The following CSMD1 variants were observed in gnomAD, a reference collection of about 807,000 sequenced individuals.
CSMD1 encodes CUB and Sushi multiple domains 1.
CSMD1 carries 213 observed loss-of-function variants against 417.5 expected under a neutral mutation model. The ratio of observed to expected loss-of-function variants is 0.51; its 90% confidence interval spans 0.46 to 0.57. CSMD1 has a LOEUF of 0.57. Ranked by LOEUF, CSMD1 falls within the 20% of genes least tolerant of loss-of-function variation. The pLI is 0.00. For synonymous variants in CSMD1, 2,862 were observed against 1,736.8 expected, an observed-to-expected ratio of 1.65 and a Z score of -16.11; for missense variants, 6,923 against 4,529.7, an observed-to-expected ratio of 1.53 and a Z score of -15.17.
intron 2 of CSMD1, among the ~76,000 whole-genome samples, chr8:4,548,137 G>C (rs1028077376): frequency 6.6e-6 from 1 of 151,818 alleles, no homozygotes; most frequent in South Asian, 2.1e-4. Flanking sequence ...TACTGTTTTG[G>C]ATGGTACCGA....
At chr8:4,033,912 A>C (rs983726892) in intron 3 of CSMD1, among the ~76,000 whole-genome samples, 1 of 152,182 alleles carries the variant, frequency 6.6e-6, no homozygotes, top group African/African-American at 2.4e-5. Context: ...TATTGTATCC[A>C]TATCTAAGGT....
chr8:4,868,403 T>A (rs1269419752), intron 1 of CSMD1, among the ~76,000 whole-genome samples: 1 of 151,952 alleles, frequency 6.6e-6, no homozygotes, highest in African/African-American at 2.4e-5. Flanking sequence ...CCCGACTAAT[T>A]TTTGTACTTT....
chr8:4,761,912 A>ATCTATCAATCT (rs1812126573), intron 1 of CSMD1, among the ~76,000 whole-genome samples: 1 of 101,268 alleles, frequency 9.9e-6, no homozygotes, highest in African/African-American at 4.0e-5. Flanking sequence ...TCTATCTATC[A>ATCTATCAATCT]ATCTATCTAT....
chr8:4,842,711 C>T (rs1303209024), intron 1 of CSMD1, among the ~76,000 whole-genome samples: 1 of 152,152 alleles, frequency 6.6e-6, no homozygotes, highest in Non-Finnish European at 1.5e-5. Flanking sequence ...GAGCTAGATG[C>T]TACTAGAACA....
chr8:4,574,481 GA>G (rs951611388), intron 2 of CSMD1, among the ~76,000 whole-genome samples: 2 of 152,136 alleles, frequency 1.3e-5, no homozygotes, highest in African/African-American at 4.8e-5. Flanking sequence ...CCAGTGAAAT[GA>G]TCCATGTACC....
At chr8:4,522,624 A>T (rs920384786) in intron 2 of CSMD1, among the ~76,000 whole-genome samples, 1 of 152,012 alleles carries the variant, frequency 6.6e-6, no homozygotes, top group Non-Finnish European at 1.5e-5. Flanking sequence ...GTGGAACCAG[A>T]CCCTTTCTGA....
chr8:4,306,835 T>TA (rs35240431), intron 3 of CSMD1, among the ~76,000 whole-genome samples: 113,301 of 151,358 alleles, frequency 0.75, 42,516 homozygotes, highest in East Asian at 0.84. Flanking sequence ...TCTCCAGATT[T>TA]AAAAAAAATC....
At chr8:3,959,263 G>A (rs962619041) in intron 5 of CSMD1, among the ~76,000 whole-genome samples, 1 of 152,230 alleles carries the variant, frequency 6.6e-6, no homozygotes, top group Non-Finnish European at 1.5e-5. Flanking sequence ...ACTTTAGGAT[G>A]CCAAGGCAGG....
At position 4,872,857 on chromosome 8, in the gene CSMD1, T is replaced by C. The variant is rs139655713; in HGVS notation, c.85+121475A>G. Among the ~76,000 whole-genome samples, 352 of 152,260 alleles carry C rather than the reference T, an allele frequency of 2.3e-3. 7 individuals carry two copies. The highest frequency in any genetic ancestry group is 8.2e-3 in the African/African-American group (341 of 41,500). On this transcript the variant is annotated intron_variant, in intron 1 of 69. Coordinates refer to ENST00000635120, the MANE Select transcript of CSMD1 (RefSeq NM_033225.6). ...AGTTGAAATTTGAACACTTGCTGGA[T>C]ATTGGCTCATACTGGAGTAGTACTG...
intron 5 of CSMD1, among the ~76,000 whole-genome samples, chr8:3,865,354 A>G (rs1274254777): frequency 1.3e-5 from 2 of 152,190 alleles, no homozygotes; most frequent in African/African-American, 2.4e-5. Flanking sequence ...TCTTGCTGGT[A>G]TGAAACTGGG....
intron 7 of CSMD1, among the ~76,000 whole-genome samples, chr8:3,649,702 T>C (rs748625790): frequency 6.6e-6 from 1 of 152,164 alleles, no homozygotes; most frequent in African/African-American, 2.4e-5. Flanking sequence ...ATGAGGATTA[T>C]CGGGATTATA....
intron 25 of CSMD1, among the ~76,000 whole-genome samples, chr8:3,297,112 TA>T: frequency 6.6e-6 from 1 of 152,304 alleles, no homozygotes; most frequent in African/African-American, 2.4e-5. Context: ...GAAATAATTC[TA>T]ATAAAAAATG....
At chr8:3,475,942 T>A (rs1481938261) in intron 11 of CSMD1, among the ~76,000 whole-genome samples, 1 of 152,228 alleles carries the variant, frequency 6.6e-6, no homozygotes, top group Non-Finnish European at 1.5e-5. Context: ...GATGTTTTGG[T>A]TACTTGTCAT....
intron 3 of CSMD1, among the ~76,000 whole-genome samples, chr8:4,129,368 C>G (rs1802958470): frequency 6.6e-6 from 1 of 152,108 alleles, no homozygotes; most frequent in African/African-American, 2.4e-5. Context: ...TTCCCAGTTT[C>G]CTTGACCACC....
intron 1 of CSMD1, among the ~76,000 whole-genome samples, chr8:4,836,387 C>T (rs145008434): frequency 3.3e-5 from 5 of 152,302 alleles, no homozygotes; most frequent in African/African-American, 7.2e-5. Context: ...CTGACTGACA[C>T]TGACGCCTCA....
chr8:3,004,489 AC>A (rs1422795714), intron 52 of CSMD1, among the ~76,000 whole-genome samples: 2 of 152,308 alleles, frequency 1.3e-5, no homozygotes, highest in African/African-American at 4.8e-5. Context: ...AGTAATCTGA[AC>A]CCAGCAGGAC....
chr8:4,921,059 GAAAAGA>G (rs1446699823), intron 1 of CSMD1, among the ~76,000 whole-genome samples: 1 of 127,834 alleles, frequency 7.8e-6, no homozygotes, highest in African/African-American at 3.0e-5. Flanking sequence ...AAAAGAGAAA[GAAAAGA>G]AAGAGAAAGA....
chr8:4,492,816 T>A (rs1801773537), intron 2 of CSMD1, among the ~76,000 whole-genome samples: 1 of 152,200 alleles, frequency 6.6e-6, no homozygotes, highest in Non-Finnish European at 1.5e-5. Context: ...CACACAGTAA[T>A]TTACTCCAGA....
At chr8:4,675,603 TTA>T (rs1805631084) in intron 1 of CSMD1, among the ~76,000 whole-genome samples, 1 of 152,070 alleles carries the variant, frequency 6.6e-6, no homozygotes, top group South Asian at 2.1e-4. Context: ...GCAGCAGTGA[TTA>T]CAATGAGGAC....
Sources: allele counts gnomAD v4.1 joint callset (sites outside exome capture counted in the v4.1 genomes callset), GRCh38; gene constraint gnomAD v4.1.1; transcripts MANE v1.5; gene names NCBI Gene and HGNC (gene_info 2026-07-23, HGNC 2026-07-21).